The following CRYL1 variants were observed in gnomAD, a reference collection of about 807,000 sequenced individuals.
The protein encoded by CRYL1 is crystallin lambda 1, also known as lambda-crystallin homolog.
In CRYL1, 29 loss-of-function variants were observed where a neutral mutation model predicts 36.6. The ratio of observed to expected loss-of-function variants is 0.79; its 90% CI spans 0.59 to 1.08. The LOEUF is 1.08. CRYL1 is among the 50% of genes least tolerant of loss of function. The pLI is 0.00. For missense variants in CRYL1, 411 were observed against 407.9 expected (o/e 1.01, Z -0.06); for synonymous variants, 152 against 151.5 (o/e 1.00, Z -0.02).
chr13:20,525,850 C>G lies in CRYL1; in HGVS notation c.-56G>C. On this transcript the variant is annotated 5_prime_UTR_variant, in exon 1 of 8. Transcript: ENST00000298248. The surrounding 1 kb of genome is among the most constrained non-coding windows in gnomAD (Gnocchi z 4.3). ...CTGGGACCAGGCGCCGGCGGAGCTG[C>G]GAGCTCTGGGCTCCGGGGAGGGCGG... is the stretch of plus-strand genomic sequence containing the variant. 8.4e-7 allele frequency: 1 copy of G among 1,196,990 alleles called. No homozygotes were observed. Among genetic ancestry groups the G allele is most frequent in the Non-Finnish European group, 1.0e-6 (1 of 960,998 alleles). 74.1% of individuals were successfully genotyped at this position (1,196,990 alleles called of 1,614,324 possible). A position where few individuals can be genotyped will look rare whatever the true frequency, so the allele number is the denominator to read the frequency against.
At chr13:20,487,023 A>G (rs1565980358) in intron 3 of CRYL1, among the ~76,000 whole-genome samples, 1 of 152,182 alleles carries the variant, frequency 6.6e-6, no homozygotes, top group Non-Finnish European at 1.5e-5. Context: ...TGGAGGGTTC[A>G]CCACTTTATA....
chr13:20,434,483 G>T (rs1180556094), intron 4 of CRYL1, among the ~76,000 whole-genome samples: 1 of 152,050 alleles, frequency 6.6e-6, no homozygotes, highest in Non-Finnish European at 1.5e-5. Flanking sequence ...TAGCTAATCG[G>T]GGGAAGGATT....
At chr13:20,443,702 A>G (rs2032396611) in intron 3 of CRYL1, among the ~76,000 whole-genome samples, 1 of 152,220 alleles carries the variant, frequency 6.6e-6, no homozygotes, top group African/African-American at 2.4e-5. Context: ...CAACCCAGGC[A>G]TTTTAAATAG....
chr13:20,497,703 GC>G (rs1303434720), intron 2 of CRYL1, among the ~76,000 whole-genome samples: 1 of 134,288 alleles, frequency 7.4e-6, no homozygotes, highest in Non-Finnish European at 1.6e-5. Flanking sequence ...CCACATATAT[GC>G]CCTACACACA....
At chr13:20,474,702 G>C (rs1172486959) in intron 3 of CRYL1, among the ~76,000 whole-genome samples, 2 of 152,104 alleles carry the variant, frequency 1.3e-5, no homozygotes, top group Non-Finnish European at 2.9e-5. Context: ...GAGTGCTCCT[G>C]GCTCAGCTGT....
intron 3 of CRYL1, among the ~76,000 whole-genome samples, chr13:20,488,505 C>T (rs1350695417): frequency 6.6e-6 from 1 of 152,100 alleles, no homozygotes; most frequent in African/African-American, 2.4e-5. Flanking sequence ...CTAAAATCTC[C>T]ATCTTCTGTA....
chr13:20,512,410 T>G (rs778466699), intron 2 of CRYL1, 33 bp downstream of exon 2: 2 of 1,460,482 alleles, frequency 1.4e-6, no homozygotes, highest in Admixed American at 1.7e-5. Flanking sequence ...CAGACCCACT[T>G]CCATTCCTTC....
rs915830545 is a variant in CRYL1 at position 20,525,665 on chromosome 13, C to A, written c.41+89G>T. 3 of 1,086,806 alleles carry A rather than the reference C, an allele frequency of 2.8e-6. No individual in the cohort carries two copies. The highest frequency in any genetic ancestry group is 1.7e-5 in the African/African-American group (1 of 60,476). The allele number at this position is 1,086,806 out of a possible 1,614,324, so 67.3% of individuals were successfully genotyped here. A position where few individuals can be genotyped will look rare whatever the true frequency, so the allele number is the denominator to read the frequency against. On this transcript the variant is annotated intron_variant, in intron 1 of 7. Transcript: ENST00000298248. This position sits in a 1 kb window ranked among gnomAD's most constrained non-coding sequence, Gnocchi z 4.3. ...GGCCGGGGCGGGGACAGCGACCCGGCGCCCACCCCGAGGGCCCCACGCGAG... is the reference window on the plus strand; with the variant it reads ...GGCCGGGGCGGGGACAGCGACCCGGAGCCCACCCCGAGGGCCCCACGCGAG...
intron 5 of CRYL1, among the ~76,000 whole-genome samples, chr13:20,416,794 C>G (rs551001415): frequency 1.6e-4 from 24 of 152,276 alleles, no homozygotes; most frequent in Non-Finnish European, 2.8e-4. Flanking sequence ...TTTGTATCAT[C>G]TGAGCTAACA....
At chr13:20,456,888 T>C (rs1593456855) in intron 3 of CRYL1, among the ~76,000 whole-genome samples, 1 of 152,154 alleles carries the variant, frequency 6.6e-6, no homozygotes, top group Non-Finnish European at 1.5e-5. Flanking sequence ...GCACCAGTCA[T>C]CAGTACTTTG....
At chr13:20,492,886 T>C (rs985391113) in intron 2 of CRYL1, among the ~76,000 whole-genome samples, 3 of 152,166 alleles carry the variant, frequency 2.0e-5, no homozygotes, top group African/African-American at 7.2e-5. Context: ...TTGGGGGTTT[T>C]CCAGATGACA....
intron 1 of CRYL1, among the ~76,000 whole-genome samples, chr13:20,519,477 C>T (rs1263070070): frequency 6.6e-6 from 1 of 151,646 alleles, no homozygotes; most frequent in African/African-American, 2.4e-5. Context: ...AATGACACTA[C>T]ATGGGTTGGG....
intron 4 of CRYL1, among the ~76,000 whole-genome samples, chr13:20,436,934 A>C (rs2137398597): frequency 6.6e-6 from 1 of 151,784 alleles, no homozygotes; most frequent in Admixed American, 6.6e-5. Flanking sequence ...CTGGTTCCTC[A>C]GAGATTACAA....
Position 20,476,226 on chromosome 13 carries a change from T to C in CRYL1, c.276+13144A>G, listed in dbSNP as rs186018330. The stretch of plus-strand genomic sequence containing the variant: ...AGGTAATTAGCTGGGAGTGGTGGCA[T>C]GTGCCTATAATCCCAGCTACCAGGA... On this transcript the variant is annotated intron_variant, in intron 3 of 7. Coordinates refer to ENST00000298248, the MANE Select transcript of CRYL1 (RefSeq NM_015974.3). Among the ~76,000 whole-genome samples, 7 of 151,890 alleles carry C rather than the reference T, an allele frequency of 4.6e-5. No homozygotes were observed. The East Asian group carries it at 7.7e-4, about 17-fold the overall frequency.
intron 1 of CRYL1, among the ~76,000 whole-genome samples, chr13:20,516,061 G>A (rs1260921268): frequency 6.6e-6 from 1 of 151,772 alleles, no homozygotes; most frequent in Non-Finnish European, 1.5e-5. Flanking sequence ...TATGGTGGCG[G>A]GCACCTGTAA....
At chr13:20,484,231 C>T (rs1471081614) in intron 3 of CRYL1, among the ~76,000 whole-genome samples, 6 of 152,132 alleles carry the variant, frequency 3.9e-5, no homozygotes, top group Non-Finnish European at 5.9e-5. Flanking sequence ...GCTGTGAGAG[C>T]TGCTAAGAGG....
chr13:20,442,701 C>T (rs1289632103), intron 3 of CRYL1, among the ~76,000 whole-genome samples: 1 of 152,204 alleles, frequency 6.6e-6, no homozygotes, highest in African/African-American at 2.4e-5. Context: ...AAAAATTCTA[C>T]CACTACTAAA....
At chr13:20,452,703 C>T (rs748805745) in intron 3 of CRYL1, among the ~76,000 whole-genome samples, 11 of 152,176 alleles carry the variant, frequency 7.2e-5, no homozygotes, top group Non-Finnish European at 1.5e-4. Context: ...AAACTATGGA[C>T]TTTGGGTGAT....
Position 20,439,662 on chromosome 13 carries a change from A to T in CRYL1, c.369T>A (p.Thr123=). 1 of 1,614,188 alleles carries T rather than the reference A, an allele frequency of 6.2e-7. No homozygotes were observed. Among genetic ancestry groups the T allele is most frequent in the Admixed American group, 1.7e-5 (1 of 60,022 alleles). Residue 123 remains threonine, a synonymous_variant, in exon 4 of 8, where the codon ACT becomes ACA. Transcript: ENST00000298248. ...ACAACTTGGAAGGCATGAGACAAGAAGTGGAACTGCTTAAGATCACTCGAT... is the reference window on the plus strand; with the variant it reads ...ACAACTTGGAAGGCATGAGACAAGATGTGGAACTGCTTAAGATCACTCGAT... ...IDDRVILSSS[T]SCLMPSKLFA...
Sources: allele counts gnomAD v4.1 joint callset (sites outside exome capture counted in the v4.1 genomes callset), GRCh38; gene constraint gnomAD v4.1.1; non-coding constraint Gnocchi (gnomAD v3.1); transcripts MANE v1.5; gene names NCBI Gene and HGNC (gene_info 2026-07-23, HGNC 2026-07-21).